The following SAMSN1 variants were observed in gnomAD, a reference collection of about 807,000 sequenced individuals.
The protein encoded by SAMSN1 is SAM domain-containing protein SAMSN-1.
SAMSN1 carries 31 observed loss-of-function variants against 42.0 expected under a neutral mutation model. That is an observed-to-expected ratio of 0.74 (90% confidence interval 0.55 to 1.00). The LOEUF (loss-of-function observed/expected upper bound fraction) is 1.00, where lower values mean the gene tolerates loss of function less well. Ranked by LOEUF, SAMSN1 falls within the 50% of genes least tolerant of loss-of-function variation. The probability of loss-of-function intolerance (pLI) is 0.00; values close to 1 mark genes in which losing one functional copy is unlikely to be tolerated. For missense variants in SAMSN1, 464 were observed against 439.4 expected (o/e 1.06, Z -0.50); for synonymous variants, 178 against 151.9 (o/e 1.17, Z -1.26).
At chr21:14,579,622 T>C (rs1386908067) in intron 2 of SAMSN1, among the ~76,000 whole-genome samples, 1 of 151,462 alleles carries the variant, frequency 6.6e-6, no homozygotes, top group African/African-American at 2.4e-5. Context: ...GTTCTGCACT[T>C]CATGTTAGAA....
chr21:14,602,234 TG>T (rs779622745), intron 5 of SAMSN1: 86 of 345,030 alleles, frequency 2.5e-4, no homozygotes, highest in Non-Finnish European at 5.8e-5. Flanking sequence ...TATTTTTTTT[TG>T]TTAAATATAT....
intron 1 of SAMSN1, among the ~76,000 whole-genome samples, chr21:14,526,176 A>T (rs978042672): frequency 5.3e-5 from 8 of 152,154 alleles, no homozygotes; most frequent in African/African-American, 2.4e-5. Flanking sequence ...CCAGTTTCAT[A>T]ACTTTAATAA....
intron 2 of SAMSN1, among the ~76,000 whole-genome samples, chr21:14,566,067 C>T (rs149479870): frequency 2.6e-5 from 4 of 152,254 alleles, no homozygotes; most frequent in Non-Finnish European, 5.9e-5. Flanking sequence ...ACCTTTTTAA[C>T]AATTTTCCCA....
intron 1 of SAMSN1, among the ~76,000 whole-genome samples, chr21:14,645,568 G>C (rs994993332): frequency 6.6e-6 from 1 of 152,202 alleles, no homozygotes; most frequent in Non-Finnish European, 1.5e-5. Context: ...AGACAGTGAA[G>C]ACTAGAATAA....
chr21:14,610,625 G>C (rs1001990740), intron 4 of SAMSN1, among the ~76,000 whole-genome samples: 1 of 152,120 alleles, frequency 6.6e-6, no homozygotes, highest in Non-Finnish European at 1.5e-5. Flanking sequence ...GCTGACGTGT[G>C]ATGTCTCCCA....
chr21:14,489,325 G>A (rs1316244139), intron 7 of SAMSN1, among the ~76,000 whole-genome samples: 1 of 152,104 alleles, frequency 6.6e-6, no homozygotes. Context: ...AAACGTTTCT[G>A]ATAATACGCT....
At chr21:14,643,394 C>G (rs1388213342) in intron 1 of SAMSN1, among the ~76,000 whole-genome samples, 7 of 152,118 alleles carry the variant, frequency 4.6e-5, no homozygotes, top group Admixed American at 1.3e-4. Flanking sequence ...CAGAGGCAGG[C>G]ACACAATGAG....
intron 1 of SAMSN1, among the ~76,000 whole-genome samples, chr21:14,541,374 G>C (rs1477853503): frequency 6.6e-6 from 1 of 151,746 alleles, no homozygotes; most frequent in African/African-American, 2.4e-5. Flanking sequence ...ACTTGAACCA[G>C]GCTGTATGTA....
At chr21:14,513,755 T>C (rs1190408450) in intron 3 of SAMSN1, among the ~76,000 whole-genome samples, 1 of 152,178 alleles carries the variant, frequency 6.6e-6, no homozygotes, top group Admixed American at 6.5e-5. Flanking sequence ...GTAACTTATG[T>C]GAAGCTTTGG....
intron 1 of SAMSN1, among the ~76,000 whole-genome samples, chr21:14,651,216 G>GT: frequency 6.6e-6 from 1 of 150,822 alleles, no homozygotes; most frequent in Non-Finnish European, 1.5e-5. Context: ...ACCAGACAAA[G>GT]ACACATCAAA....
chr21:14,541,058 A>C (rs955746659), intron 1 of SAMSN1, among the ~76,000 whole-genome samples: 1 of 148,310 alleles, frequency 6.7e-6, no homozygotes. Context: ...GCATGTTCTC[A>C]CTCATCAGTG....
chr21:14,601,922 TA>T, intron 6 of SAMSN1: 1 of 428,940 alleles, frequency 2.3e-6, no homozygotes, highest in South Asian at 6.5e-5. Flanking sequence ...AGAAACTAGC[TA>T]AAAGGCTGTG....
intron 3 of SAMSN1, among the ~76,000 whole-genome samples, chr21:14,515,575 T>C (rs149845594): frequency 5.9e-5 from 9 of 152,122 alleles, no homozygotes; most frequent in Non-Finnish European, 1.0e-4. Flanking sequence ...CTTCATTACA[T>C]TAGATTAGAC....
At chr21:14,640,318 T>C (rs1983563927) in intron 2 of SAMSN1, among the ~76,000 whole-genome samples, 1 of 152,176 alleles carries the variant, frequency 6.6e-6, no homozygotes, top group Non-Finnish European at 1.5e-5. Flanking sequence ...GTATTGTCAG[T>C]TTGGTTCTAG....
intron 2 of SAMSN1, among the ~76,000 whole-genome samples, chr21:14,554,288 G>C (rs1162867126): frequency 6.6e-6 from 1 of 152,058 alleles, no homozygotes; most frequent in Non-Finnish European, 1.5e-5. Context: ...CCCTTGACAA[G>C]TTATTTAGCC....
chr21:14,635,435 A>G (rs1417078511), intron 2 of SAMSN1, among the ~76,000 whole-genome samples: 1 of 152,210 alleles, frequency 6.6e-6, no homozygotes, highest in Non-Finnish European at 1.5e-5. Flanking sequence ...ACAGCTGTCT[A>G]CATTTGGTGG....
upstream of SAMSN1, among the ~76,000 whole-genome samples, chr21:14,587,872 A>C (rs1247507865): frequency 6.8e-6 from 1 of 147,992 alleles, no homozygotes; most frequent in African/African-American, 2.5e-5. Context: ...CATTAGGTAT[A>C]TCTCCCAATG....
intron 1 of SAMSN1, among the ~76,000 whole-genome samples, chr21:14,529,755 T>C (rs946743696): frequency 2.6e-5 from 4 of 152,208 alleles, no homozygotes; most frequent in African/African-American, 9.6e-5. Flanking sequence ...TAAAAGAAGT[T>C]AAAATGTATA....
intron 2 of SAMSN1, among the ~76,000 whole-genome samples, chr21:14,616,272 A>G (rs946276509): frequency 6.6e-6 from 1 of 151,890 alleles, no homozygotes; most frequent in Non-Finnish European, 1.5e-5. Context: ...TATTTCCTTT[A>G]TTAACGAGGG....
Sources: gnomAD v4.1 joint callset for allele counts (sites outside exome capture counted in the v4.1 genomes callset) on GRCh38, gnomAD v4.1.1 for gene constraint, MANE v1.5 for transcripts, NCBI Gene and HGNC (gene_info 2026-07-23, HGNC 2026-07-21) for gene names.